Variants in TAF12 observed in about 807,000 individuals in gnomAD.
TAF12 encodes transcription initiation factor TFIID subunit 12.
TAF12 carries 3 observed loss-of-function variants against 20.8 expected under a neutral mutation model. The ratio of observed to expected loss-of-function variants is 0.14; its 90% CI spans 0.07 to 0.37. The LOEUF (loss-of-function observed/expected upper bound fraction) is 0.37. TAF12 is among the 10% of genes least tolerant of loss of function. The pLI is 1.00. For synonymous variants in TAF12, 69 were observed against 70.2 expected (o/e 0.98, Z 0.09); for missense variants, 131 against 197.9 (o/e 0.66, Z 2.03).
At chr1:28,646,889 G>T (rs770456514), upstream of TAF12, among the ~76,000 whole-genome samples, 5 of 151,892 alleles carry the variant, frequency 3.3e-5, no homozygotes, top group African/African-American at 1.2e-4. Flanking sequence ...TAGTAGAGAC[G>T]GGGTTTCACC....
intron 1 of TAF12, among the ~76,000 whole-genome samples, chr1:28,642,120 G>A (rs1557477546): frequency 6.6e-6 from 1 of 152,100 alleles, no homozygotes. Flanking sequence ...ACATAACTGA[G>A]TTCCAACTGT....
intron 2 of TAF12, among the ~76,000 whole-genome samples, chr1:28,621,035 T>G (rs1667205826): frequency 6.6e-6 from 1 of 152,196 alleles, no homozygotes; most frequent in South Asian, 2.1e-4. Flanking sequence ...ATGTTACTTT[T>G]ACTCCTTTAT....
chr1:28,631,314 G>T (rs1280863360), intron 1 of TAF12, among the ~76,000 whole-genome samples: 1 of 152,150 alleles, frequency 6.6e-6, no homozygotes, highest in African/African-American at 2.4e-5. Context: ...CTGAGGTCAG[G>T]AGTTTGAGAC....
intron 1 of TAF12, among the ~76,000 whole-genome samples, chr1:28,638,035 C>CT (rs1417354874): frequency 1.3e-5 from 2 of 152,134 alleles, no homozygotes; most frequent in African/African-American, 4.8e-5. Context: ...GAGTCTCGCT[C>CT]TGTCGCTCAG....
chr1:28,621,104 G>A (rs1429609929), intron 2 of TAF12, among the ~76,000 whole-genome samples: 1 of 152,042 alleles, frequency 6.6e-6, no homozygotes, highest in Non-Finnish European at 1.5e-5. Flanking sequence ...GACTAGTACA[G>A]GTCCACTATG....
At chr1:28,632,015 C>T (rs1045076271) in intron 1 of TAF12, among the ~76,000 whole-genome samples, 31 of 152,140 alleles carry the variant, frequency 2.0e-4, no homozygotes, top group African/African-American at 7.2e-4. Context: ...CTTACATTCA[C>T]ACAAAAATCT....
chr1:28,626,852 G>C (rs1183713142), intron 1 of TAF12, among the ~76,000 whole-genome samples: 2 of 152,060 alleles, frequency 1.3e-5, no homozygotes, highest in African/African-American at 4.8e-5. Flanking sequence ...GGAGGTTGCA[G>C]TGAGCCAAGA....
intron 2 of TAF12, among the ~76,000 whole-genome samples, chr1:28,620,291 G>A (rs1667172563): frequency 6.6e-6 from 1 of 151,586 alleles, no homozygotes; most frequent in South Asian, 2.1e-4. Context: ...GCACCACCAT[G>A]CCAGGTTGAT....
upstream of TAF12, among the ~76,000 whole-genome samples, chr1:28,643,954 C>T (rs1668121151): frequency 6.6e-6 from 1 of 151,632 alleles, no homozygotes; most frequent in South Asian, 2.1e-4. Flanking sequence ...CGGAGGCTGA[C>T]GCAGAGAACT....
intron 4 of TAF12, among the ~76,000 whole-genome samples, chr1:28,610,383 C>T (rs1666810938): frequency 6.6e-6 from 1 of 152,148 alleles, no homozygotes; most frequent in Non-Finnish European, 1.5e-5. Context: ...CCTTGACCTC[C>T]CAGGCTCAAG....
At chr1:28,610,446 C>T (rs1047920984) in intron 4 of TAF12, among the ~76,000 whole-genome samples, 1 of 152,096 alleles carries the variant, frequency 6.6e-6, no homozygotes, top group Non-Finnish European at 1.5e-5. Context: ...TGCACTCCAC[C>T]ATGCCTGGCT....
chr1:28,636,187 T>G (rs1419350655), intron 1 of TAF12, among the ~76,000 whole-genome samples: 1 of 152,238 alleles, frequency 6.6e-6, no homozygotes, highest in Non-Finnish European at 1.5e-5. Context: ...AGGCTCCAGC[T>G]GCTTTTGACT....
At chr1:28,643,110 C>T (rs1668095410), upstream of TAF12, 1 of 985,816 alleles carries the variant, frequency 1.0e-6, no homozygotes, top group African/African-American at 1.7e-5. Flanking sequence ...TCCCCGCCTC[C>T]AACCCGGAAA....
At chr1:28,612,679 T>C (rs1666907201) in intron 4 of TAF12, among the ~76,000 whole-genome samples, 1 of 151,670 alleles carries the variant, frequency 6.6e-6, no homozygotes, top group Non-Finnish European at 1.5e-5. Context: ...TGGTCATCAC[T>C]GTTAGCTGAG....
upstream of TAF12, among the ~76,000 whole-genome samples, chr1:28,644,248 T>C (rs1297443925): frequency 6.6e-6 from 1 of 152,140 alleles, no homozygotes; most frequent in Admixed American, 6.6e-5. Flanking sequence ...CCCAGATTGG[T>C]GCGGCATCCT....
At chr1:28,632,115 G>T (rs748746694) in intron 1 of TAF12, among the ~76,000 whole-genome samples, 2 of 152,030 alleles carry the variant, frequency 1.3e-5, no homozygotes, top group Non-Finnish European at 1.5e-5. Flanking sequence ...AACAAATTAT[G>T]GTATATCCAT....
chr1:28,606,204 G>A (rs1055845065), intron 4 of TAF12, among the ~76,000 whole-genome samples: 4 of 151,852 alleles, frequency 2.6e-5, no homozygotes, highest in African/African-American at 4.8e-5. Flanking sequence ...TCACCATCTC[G>A]GTCAGGCTGG....
chr1:28,638,491 ATT>A (rs140717375), intron 1 of TAF12, among the ~76,000 whole-genome samples: 26 of 95,214 alleles, frequency 2.7e-4, no homozygotes, highest in Non-Finnish European at 2.2e-4. Flanking sequence ...GCCCGGCCTA[ATT>A]TTTTTTTTTT....
upstream of TAF12, among the ~76,000 whole-genome samples, chr1:28,646,715 T>C (rs1326226647): frequency 5.4e-5 from 8 of 148,838 alleles, 1 homozygote; most frequent in Non-Finnish European, 1.2e-4. Context: ...TTTTTTTTTT[T>C]TGAGACAGAG....
Sources: gnomAD v4.1 joint callset for allele counts (sites outside exome capture counted in the v4.1 genomes callset) on GRCh38, gnomAD v4.1.1 for gene constraint, MANE v1.5 for transcripts, NCBI Gene and HGNC (gene_info 2026-07-23, HGNC 2026-07-21) for gene names.